The following NRG4 variants were observed in gnomAD, a reference collection of about 807,000 sequenced individuals.
The protein encoded by NRG4 is neuregulin 4.
A neutral mutation model predicts 15.0 loss-of-function variants in NRG4; 10 were observed. The observed-to-expected ratio is 0.67, with a 90% CI of 0.41 to 1.13. The LOEUF is 1.13. Ranked by LOEUF, NRG4 falls within the 50% of genes most tolerant of loss-of-function variation. The pLI, the probability that NRG4 is intolerant of heterozygous loss-of-function variation, is 0.00. For missense variants in NRG4, 139 were observed against 140.2 expected (o/e 0.99, Z 0.04); for synonymous variants, 41 against 50.1 (o/e 0.82, Z 0.77).
chr15:76,039,464 G>A (rs1329095043), intron 4 of NRG4, among the ~76,000 whole-genome samples: 1 of 152,166 alleles, frequency 6.6e-6, no homozygotes, highest in Non-Finnish European at 1.5e-5. Context: ...GGTGAAAAAT[G>A]CAATTGACAT....
chr15:75,936,867 C>G (rs1359376088), downstream of NRG4: 1 of 152,066 alleles, frequency 6.6e-6, no homozygotes, highest in Non-Finnish European at 1.5e-5. Context: ...GCCACCGTGC[C>G]CAGCTGGAAA....
upstream of NRG4, among the ~76,000 whole-genome samples, chr15:76,014,630 G>C (rs2034919958): frequency 6.6e-6 from 1 of 152,108 alleles, no homozygotes; most frequent in Non-Finnish European, 1.5e-5. Flanking sequence ...TTTTTGTCAG[G>C]TTTGTCAAAG....
intron 3 of NRG4, among the ~76,000 whole-genome samples, chr15:75,972,495 G>A (rs1287506621): frequency 1.3e-5 from 2 of 152,046 alleles, no homozygotes; most frequent in African/African-American, 2.4e-5. Flanking sequence ...GGGTTTTTAT[G>A]GTTTTAGGTC....
intron 3 of NRG4, among the ~76,000 whole-genome samples, chr15:75,968,479 TCAGGAGGCTGAGGGAGGAGATCATTTGAA>T (rs2141827847): frequency 6.6e-6 from 1 of 150,996 alleles, no homozygotes; most frequent in African/African-American, 2.4e-5. Flanking sequence ...TTCCAGCTAC[TCAGGAGGCTGAGGGAGGAGATCATTTGAA>T]CCCAGGAGGC....
At chr15:76,006,208 G>T (rs963148124) in intron 3 of NRG4, among the ~76,000 whole-genome samples, 26 of 152,118 alleles carry the variant, frequency 1.7e-4, no homozygotes, top group African/African-American at 5.6e-4. Flanking sequence ...TTGACAACTG[G>T]ACAAGAGGGC....
chr15:75,998,329 G>GT (rs1384467468), intron 3 of NRG4, among the ~76,000 whole-genome samples: 1 of 152,154 alleles, frequency 6.6e-6, no homozygotes, highest in East Asian at 1.9e-4. Context: ...GGGAATAGGC[G>GT]AAGAATGGGT....
upstream of NRG4, among the ~76,000 whole-genome samples, chr15:76,015,412 G>A (rs1442784376): frequency 2.0e-5 from 3 of 152,098 alleles, no homozygotes; most frequent in Admixed American, 2.0e-4. Flanking sequence ...GCATCCTTGT[G>A]TTGTGCTGGT....
intron 3 of NRG4, among the ~76,000 whole-genome samples, chr15:75,986,671 T>G (rs2141861693): frequency 6.6e-6 from 1 of 152,322 alleles, no homozygotes; most frequent in African/African-American, 2.4e-5. Flanking sequence ...ATGACTTGAT[T>G]TTTGGACCAT....
intron 5 of NRG4, among the ~76,000 whole-genome samples, chr15:76,017,659 C>T (rs2035025285): frequency 6.6e-6 from 1 of 152,116 alleles, no homozygotes; most frequent in African/African-American, 2.4e-5. Flanking sequence ...ATATTGGCCC[C>T]CACTCTCTTC....
At chr15:75,969,418 G>A (rs1474299486) in intron 3 of NRG4, among the ~76,000 whole-genome samples, 17 of 152,172 alleles carry the variant, frequency 1.1e-4, no homozygotes, top group Admixed American at 1.1e-3. Context: ...GCATAATTTG[G>A]TATAACTTCA....
At position 75,988,107 on chromosome 15, in the gene NRG4, T is replaced by C. The variant is rs2033863027; in HGVS notation, c.104+21093A>G. Among the ~76,000 whole-genome samples, 5 of 152,172 alleles carry C rather than the reference T, an allele frequency of 3.3e-5. No homozygotes were observed. The South Asian group carries it at 1.0e-3, about 32-fold the overall frequency. On this transcript the variant is annotated intron_variant, in intron 3 of 5. Coordinates refer to ENST00000394907, the MANE Select transcript of NRG4 (RefSeq NM_138573.4). ...AAGCTTTGTAACAGTTTGTGAAGAT[T>C]GAGAAGCTAGTTGAGAGAATTTCTA...
chr15:75,952,055 A>T (rs2031932869), intron 5 of NRG4, among the ~76,000 whole-genome samples: 1 of 152,082 alleles, frequency 6.6e-6, no homozygotes, highest in Non-Finnish European at 1.5e-5. Context: ...ATTTTTTTCT[A>T]AATAGTTACT....
At position 76,009,229 on chromosome 15, in the gene NRG4, C is replaced by A; in HGVS notation, c.75G>T (p.Val25=). Residue 25 remains valine, a synonymous_variant, in exon 3 of 6, where the codon GTG becomes GTT. Transcript: ENST00000394907. ...SFCLNGGLCY[V]IPTIPSPFCR... The stretch of plus-strand genomic sequence containing the variant: ...AAAATGGGCTGGGAATAGTAGGTAT[C>A]ACATAACAAAGCCCCCCATTCAGGC... 1.3e-6 allele frequency: 2 copies of A among 1,599,518 alleles called. No homozygotes were observed. Among genetic ancestry groups the A allele is most frequent in the South Asian group, 2.2e-5 (2 of 90,552 alleles).
chr15:76,026,135 T>C (rs2035310239), intron 5 of NRG4, among the ~76,000 whole-genome samples: 1 of 152,142 alleles, frequency 6.6e-6, no homozygotes, highest in Admixed American at 6.5e-5. Context: ...TTTAATGAAA[T>C]AACAGCTGAA....
intron 3 of NRG4, among the ~76,000 whole-genome samples, chr15:75,993,559 G>A (rs2034105205): frequency 1.3e-5 from 2 of 151,824 alleles, no homozygotes; most frequent in African/African-American, 4.8e-5. Flanking sequence ...AATTAGCCAG[G>A]CTGCATGCCT....
At chr15:75,994,600 T>C (rs1750757857) in intron 3 of NRG4, among the ~76,000 whole-genome samples, 2 of 152,240 alleles carry the variant, frequency 1.3e-5, no homozygotes, top group Admixed American at 1.3e-4. Flanking sequence ...TATTTGATTA[T>C]GAGCTACTCC....
At chr15:76,023,183 C>CACACACA (rs67858639) in intron 5 of NRG4, among the ~76,000 whole-genome samples, 1 of 112,460 alleles carries the variant, frequency 8.9e-6, no homozygotes, top group Non-Finnish European at 2.0e-5. Flanking sequence ...CACACACACA[C>CACACACA]AAGCAAGGAC....
intron 3 of NRG4, among the ~76,000 whole-genome samples, chr15:75,996,452 C>A (rs749459572): frequency 2.0e-5 from 3 of 152,022 alleles, no homozygotes; most frequent in Non-Finnish European, 4.4e-5. Context: ...ACAAATGAGC[C>A]TTGCTTTTTA....
chr15:76,000,321 T>C (rs930332150), intron 3 of NRG4, among the ~76,000 whole-genome samples: 6 of 152,124 alleles, frequency 3.9e-5, no homozygotes, highest in African/African-American at 1.4e-4. Context: ...AAATAAGCTA[T>C]AAATAATTAT....
Sources: gnomAD v4.1 joint callset for allele counts (sites outside exome capture counted in the v4.1 genomes callset) on GRCh38, gnomAD v4.1.1 for gene constraint, MANE v1.5 for transcripts, NCBI Gene and HGNC (gene_info 2026-07-23, HGNC 2026-07-21) for gene names.